Variants in KCNC1 observed in about 807,000 individuals in gnomAD.
The protein encoded by KCNC1 is voltage-gated potassium channel KCNC1.
KCNC1 carries 8 observed loss-of-function variants against 43.4 expected under a neutral mutation model. That is an observed-to-expected ratio of 0.18 (90% CI 0.11 to 0.33). The LOEUF is 0.33. Ranked by LOEUF, KCNC1 falls within the 10% of genes least tolerant of loss-of-function variation. The pLI, the probability that KCNC1 is intolerant of heterozygous loss-of-function variation, is 1.00. For missense variants in KCNC1, 420 were observed against 836.0 expected, an observed-to-expected ratio of 0.50 and a Z score of 6.14; for synonymous variants, 361 against 360.5, an observed-to-expected ratio of 1.00 and a Z score of -0.01.
Position 17,735,504 on chromosome 11 carries a change from T to G in KCNC1, c.-499T>G, listed in dbSNP as rs970416315. ...GCCCTGTCTCCTCCCCTCCCCCTCC[T>G]GGGGGCTGGCCTCTAGTCCGGCCCC... On this transcript the variant is annotated 5_prime_UTR_variant, in exon 1 of 4. Coordinates refer to ENST00000265969, the MANE Select transcript of KCNC1 (RefSeq NM_001112741.2). This position sits in a 1 kb window ranked among gnomAD's most constrained non-coding sequence, Gnocchi z 6.7. 1 of 152,000 alleles carries G rather than the reference T, an allele frequency of 6.6e-6. No homozygotes were observed. The highest frequency in any genetic ancestry group is 2.4e-5 in the African/African-American group (1 of 41,184). The allele number at this position is 152,000 out of a possible 1,614,324, so 9.4% of individuals were successfully genotyped here.
chr11:17,747,293 G>A (rs769572176), intron 1 of KCNC1, among the ~76,000 whole-genome samples: 2 of 152,182 alleles, frequency 1.3e-5, no homozygotes, highest in South Asian at 2.1e-4. Context: ...GTTATGGGCC[G>A]CTTGTCCCTG....
chr11:17,741,323 G>A (rs1274551037), intron 1 of KCNC1, among the ~76,000 whole-genome samples: 1 of 150,668 alleles, frequency 6.6e-6, no homozygotes, highest in African/African-American at 2.4e-5. Context: ...CCGTCCTCAC[G>A]AGGTTGGTGT....
intron 1 of KCNC1, among the ~76,000 whole-genome samples, chr11:17,738,768 G>A (rs1320523775): frequency 6.6e-6 from 1 of 152,260 alleles, no homozygotes; most frequent in African/African-American, 2.4e-5. Flanking sequence ...GCTCACTGAA[G>A]AGCGGACTCT....
intron 1 of KCNC1, among the ~76,000 whole-genome samples, chr11:17,766,850 A>G (rs1849155682): frequency 6.6e-6 from 1 of 151,578 alleles, no homozygotes; most frequent in African/African-American, 2.4e-5. Context: ...TGGAGGCAAG[A>G]GCTTAGGTTC....
At position 17,739,796 on chromosome 11, in the gene KCNC1, T is replaced by C. The variant is rs1281356952; in HGVS notation, c.570+3224T>C. ...GAAGGTGTGTGTAAGACAGAGATTG[T>C]GTGTGAAATCCTGTGTGTGACAGTG... On this transcript the variant is annotated intron_variant, in intron 1 of 3. Transcript: ENST00000265969. This position sits in a 1 kb window ranked among gnomAD's most constrained non-coding sequence, Gnocchi z 4.2. Among the ~76,000 whole-genome samples the C allele has an allele frequency of 4.6e-5, 7 of 151,930 alleles. No homozygotes were observed. Among genetic ancestry groups the C allele is most frequent in the Non-Finnish European group, 8.8e-5 (6 of 67,972 alleles).
chr11:17,771,660 C>T lies in KCNC1; in HGVS notation c.571-5C>T. The T allele has an allele frequency of 1.2e-6, 2 of 1,601,476 alleles. No individual in the cohort carries two copies. Among genetic ancestry groups the T allele is most frequent in the Non-Finnish European group, 1.7e-6 (2 of 1,170,424 alleles). On this transcript the variant is annotated splice_polypyrimidine_tract_variant and splice_region_variant and intron_variant, in intron 1 of 3. Transcript: ENST00000265969. The surrounding 1 kb of genome is among the most constrained non-coding windows in gnomAD (Gnocchi z 4.7). The stretch of plus-strand genomic sequence containing the variant: ...CCCTCTGACACTGTGTCTTTATCCC[C>T]ACAGTATGTGGCCTTCGCTTCCCTC...
rs146220744 is a variant in KCNC1 at position 17,766,091 on chromosome 11, G to A, written c.571-5574G>A. ...AGAGAGAAGTCTGCAGGGAGCTGCC[G>A]GGGCACAGCCAGGGCCTCCATGTGC... On this transcript the variant is annotated intron_variant, in intron 1 of 3. Transcript: ENST00000265969. 2.4e-3 allele frequency among the ~76,000 whole-genome samples: 364 copies of A among 152,312 alleles called. 3 individuals carry two copies. The highest frequency in any genetic ancestry group is 0.012 in the South Asian group (60 of 4,820).
intron 1 of KCNC1, among the ~76,000 whole-genome samples, chr11:17,745,359 C>CCT (rs943634455): frequency 5.9e-5 from 9 of 152,082 alleles, no homozygotes; most frequent in Non-Finnish European, 8.8e-5. Flanking sequence ...ATCCTGGACT[C>CCT]CTCTCTCTCT....
In KCNC1 at chr11:17,776,475, C is replaced by G. The variant is rs929696172; in HGVS notation, c.1505-2981C>G. ...GTGCCTGGAGACCAGGGCAGAAAAG[C>G]CAGCTGTGCTGACTGAGGGCCCAGC... On this transcript the variant is annotated intron_variant, in intron 2 of 3. Transcript: ENST00000265969. This position sits in a 1 kb window ranked among gnomAD's most constrained non-coding sequence, Gnocchi z 4.4. 1.0e-6 allele frequency: 1 copy of G among 985,346 alleles called. No individual in the cohort carries two copies. Among genetic ancestry groups the G allele is most frequent in the African/African-American group, 1.7e-5 (1 of 57,246 alleles). 61.0% of individuals were successfully genotyped at this position (985,346 alleles called of 1,614,324 possible).
chr11:17,765,975 A>G lies in KCNC1; in HGVS notation c.571-5690A>G, dbSNP rs192572013. The G allele has an allele frequency of 9.1e-3, 1,385 of 152,980 alleles. 14 individuals are homozygous for G. The highest frequency in any genetic ancestry group is 9.6e-3 in the African/African-American group (397 of 41,566). 9.5% of individuals were successfully genotyped at this position (152,980 alleles called of 1,614,324 possible). On this transcript the variant is annotated intron_variant, in intron 1 of 3. Transcript: ENST00000265969. ...ATCCGGGAGATGGCAGCCTGAGCAGAGAGGGCGGAGGAGGCAGAGGCAAGG... is the reference window on the plus strand; with the variant it reads ...ATCCGGGAGATGGCAGCCTGAGCAGGGAGGGCGGAGGAGGCAGAGGCAAGG...
At chr11:17,747,776 G>A (rs906445322) in intron 1 of KCNC1, among the ~76,000 whole-genome samples, 1 of 152,158 alleles carries the variant, frequency 6.6e-6, no homozygotes, top group African/African-American at 2.4e-5. Context: ...TCAAGCCTCT[G>A]CAGGGCGTCG....
intron 1 of KCNC1, among the ~76,000 whole-genome samples, chr11:17,759,801 G>A (rs867780893): frequency 4.6e-5 from 7 of 152,092 alleles, no homozygotes; most frequent in Non-Finnish European, 7.4e-5. Context: ...ATGATCACAG[G>A]TCACCATAAC....
rs1453825293 is a variant in KCNC1, at chr11:17,777,689, C to G, written c.1505-1767C>G. 6.1e-6 allele frequency: 6 copies of G among 985,830 alleles called. No individual in the cohort carries two copies. The highest frequency in any genetic ancestry group is 7.2e-6 in the Non-Finnish European group (6 of 829,972). 61.1% of individuals were successfully genotyped at this position (985,830 alleles called of 1,614,324 possible). ...CAGAGTAAATTGGGAAGTGAAGCCC[C>G]TGGGATTTGTCGAGAAACGCACTGT... On this transcript the variant is annotated intron_variant, in intron 2 of 3. Transcript: ENST00000265969. This position sits in a 1 kb window ranked among gnomAD's most constrained non-coding sequence, Gnocchi z 4.3.
At chr11:17,744,591 C>G (rs1210141084) in intron 1 of KCNC1, among the ~76,000 whole-genome samples, 2 of 152,182 alleles carry the variant, frequency 1.3e-5, no homozygotes, top group East Asian at 3.9e-4. Context: ...CCAGGCCCTT[C>G]TCTTCGCTTC....
At chr11:17,762,475 G>C (rs1849088758) in intron 1 of KCNC1, among the ~76,000 whole-genome samples, 1 of 152,198 alleles carries the variant, frequency 6.6e-6, no homozygotes, top group Non-Finnish European at 1.5e-5. Flanking sequence ...CTGGGAGGCA[G>C]ACAATGAAGG....
Position 17,735,956 on chromosome 11 carries a change from C to T in KCNC1, c.-47C>T. ...CGGCGCCAACTCCCCCTGGCGGCCG[C>T]TCCCATGGGTGTCGCTGGGCCGCGC... On this transcript the variant is annotated 5_prime_UTR_variant, in exon 1 of 4. Transcript: ENST00000265969. This position sits in a 1 kb window ranked among gnomAD's most constrained non-coding sequence, Gnocchi z 6.7. 1 of 1,388,858 alleles carries T rather than the reference C, an allele frequency of 7.2e-7. No individual in the cohort carries two copies. Among genetic ancestry groups the T allele is most frequent in the Non-Finnish European group, 9.3e-7 (1 of 1,080,136 alleles). The allele number at this position is 1,388,858 out of a possible 1,614,324, so 86.0% of individuals were successfully genotyped here.
chr11:17,743,300 C>T (rs1848862383), intron 1 of KCNC1, among the ~76,000 whole-genome samples: 1 of 152,240 alleles, frequency 6.6e-6, no homozygotes, highest in African/African-American at 2.4e-5. Flanking sequence ...TTACACAGCA[C>T]TGCCTCCTGT....
In KCNC1 at chr11:17,749,647, C is replaced by T. The variant is rs548645353; in HGVS notation, c.570+13075C>T. Among the ~76,000 whole-genome samples, 21 of 152,330 alleles carry T rather than the reference C, an allele frequency of 1.4e-4. 1 individual carries two copies. Among genetic ancestry groups the T allele is most frequent in the Admixed American group, 1.2e-3 (19 of 15,314 alleles). ...CAGCAGTGAGGAACACGGCCACCTG[C>T]TGGGCCACCTGGAGTGAGCTGGAGC... is the stretch of plus-strand genomic sequence containing the variant. On this transcript the variant is annotated intron_variant, in intron 1 of 3. Transcript: ENST00000265969.
rs1849286950 is a variant in KCNC1, at chr11:17,776,319, T to C, written c.1505-3137T>C. The C allele has an allele frequency of 1.0e-6, 1 of 985,058 alleles. No homozygotes were observed. Among genetic ancestry groups the C allele is most frequent in the Admixed American group, 6.1e-5 (1 of 16,262 alleles). 61.0% of individuals were successfully genotyped at this position (985,058 alleles called of 1,614,324 possible). A position where few individuals can be genotyped will look rare whatever the true frequency, so the allele number is the denominator to read the frequency against. ...GTCCCCATTTAGCCTGAGACTTTTT[T>C]CCTGAGTCCCCAGCTGGGCAGATCC... On this transcript the variant is annotated intron_variant, in intron 2 of 3. Transcript: ENST00000265969. The surrounding 1 kb of genome is among the most constrained non-coding windows in gnomAD (Gnocchi z 4.4).
Sources: allele counts gnomAD v4.1 joint callset (sites outside exome capture counted in the v4.1 genomes callset), GRCh38; gene constraint gnomAD v4.1.1; non-coding constraint Gnocchi (gnomAD v3.1); transcripts MANE v1.5; gene names NCBI Gene and HGNC (gene_info 2026-07-23, HGNC 2026-07-21).